Variants in DNM3 observed in about 807,000 individuals in gnomAD.
The protein encoded by DNM3 is dynamin 3.
Under a neutral mutation model 101.6 loss-of-function variants are expected in DNM3, and 47 were observed. The ratio of observed to expected loss-of-function variants is 0.46; its 90% CI spans 0.37 to 0.59. The LOEUF (loss-of-function observed/expected upper bound fraction) is 0.59, where lower values mean the gene tolerates loss of function less well. Ranked by LOEUF, DNM3 falls within the 20% of genes least tolerant of loss-of-function variation. The pLI is 0.00. For synonymous variants in DNM3, 385 were observed against 387.9 expected (o/e 0.99, Z 0.09); for missense variants, 849 against 1,085.7 (o/e 0.78, Z 3.06).
chr1:171,901,112 C>CAAAAAAA (rs1243053508), intron 1 of DNM3, among the ~76,000 whole-genome samples: 3,335 of 66,390 alleles, frequency 0.05, 475 homozygotes, highest in African/African-American at 0.088. Flanking sequence ...GACTCTGTCT[C>CAAAAAAA]AAAAAAAAAA....
At chr1:172,337,872 TTTTA>T (rs1558013777) in intron 17 of DNM3, among the ~76,000 whole-genome samples, 1,301 of 80,018 alleles carry the variant, frequency 0.016, 13 homozygotes, top group African/African-American at 0.13. Flanking sequence ...TTTATTTTTA[TTTTA>T]TTTTATTTTA....
intron 4 of DNM3, among the ~76,000 whole-genome samples, chr1:171,995,418 T>G (rs893581049): frequency 4.3e-5 from 6 of 138,678 alleles, no homozygotes; most frequent in African/African-American, 9.1e-5. Flanking sequence ...AATCCAGGTG[T>G]TTTTTTTTTT....
At chr1:172,151,743 G>A (rs1253739512) in intron 14 of DNM3, among the ~76,000 whole-genome samples, 3 of 152,150 alleles carry the variant, frequency 2.0e-5, no homozygotes, top group African/African-American at 7.2e-5. Flanking sequence ...TAGGGCAGGT[G>A]CTTGGAGTTC....
At chr1:171,952,084 T>C (rs1245753923) in intron 2 of DNM3, among the ~76,000 whole-genome samples, 1 of 152,126 alleles carries the variant, frequency 6.6e-6, no homozygotes, top group African/African-American at 2.4e-5. Flanking sequence ...TAAGGGAGGT[T>C]GTGGAGACCA....
intron 17 of DNM3, among the ~76,000 whole-genome samples, chr1:172,371,777 C>G (rs991790): frequency 0.47 from 71,491 of 151,674 alleles, 20,096 homozygotes; most frequent in East Asian, 0.87. Context: ...CCACATTTCC[C>G]TCAAACCAAA....
At chr1:172,125,449 G>C (rs1179805071) in intron 13 of DNM3, among the ~76,000 whole-genome samples, 1 of 152,090 alleles carries the variant, frequency 6.6e-6, no homozygotes, top group Non-Finnish European at 1.5e-5. Flanking sequence ...AGGTTTTGCT[G>C]ACCTTGACAA....
chr1:172,205,664 T>A (rs1400788917), intron 14 of DNM3, among the ~76,000 whole-genome samples: 1 of 152,160 alleles, frequency 6.6e-6, no homozygotes, highest in Non-Finnish European at 1.5e-5. Flanking sequence ...CAGATTCCCA[T>A]ATCTGCTTCT....
At chr1:171,945,686 C>A (rs1446985729) in intron 2 of DNM3, among the ~76,000 whole-genome samples, 1 of 151,936 alleles carries the variant, frequency 6.6e-6, no homozygotes, top group Admixed American at 6.6e-5. Context: ...AAAGTGTCTT[C>A]CTAAAATGAT....
At chr1:172,294,422 T>C (rs985834713) in intron 15 of DNM3, among the ~76,000 whole-genome samples, 2 of 152,184 alleles carry the variant, frequency 1.3e-5, no homozygotes, top group Non-Finnish European at 2.9e-5. Context: ...TTCTTATTCA[T>C]TCAACAAGTG....
intron 20 of DNM3, chr1:172,397,200 TA>T (rs1202280932): frequency 6.5e-6 from 1 of 152,672 alleles, no homozygotes; most frequent in Non-Finnish European, 1.5e-5. Flanking sequence ...TGCTTCTCAG[TA>T]GTGTTGGAAA....
At chr1:171,930,115 C>T (rs79252847) in intron 2 of DNM3, among the ~76,000 whole-genome samples, 11,426 of 151,932 alleles carry the variant, frequency 0.075, 632 homozygotes, top group Admixed American at 0.12. Context: ...AACCTGGCCA[C>T]GTTTTTGTAG....
intron 2 of DNM3, among the ~76,000 whole-genome samples, chr1:171,946,171 T>C (rs1233186076): frequency 6.6e-6 from 1 of 152,190 alleles, no homozygotes. Context: ...AGGAAGCATT[T>C]GTTGGGGAGG....
At chr1:172,342,878 T>C (rs969277976) in intron 17 of DNM3, among the ~76,000 whole-genome samples, 3 of 152,196 alleles carry the variant, frequency 2.0e-5, no homozygotes, top group Non-Finnish European at 4.4e-5. Context: ...ACATTTCCTC[T>C]TTTTTTCTTA....
At chr1:172,240,926 G>A (rs758324693) in intron 14 of DNM3, among the ~76,000 whole-genome samples, 6 of 152,074 alleles carry the variant, frequency 3.9e-5, no homozygotes, top group Non-Finnish European at 5.9e-5. Context: ...TGCTTGAAGC[G>A]TGTTTTGCCA....
At chr1:172,308,705 A>ATTT in intron 15 of DNM3, 23 bp from the exon 16 acceptor site, 5 of 1,212,868 alleles carry the variant, frequency 4.1e-6, no homozygotes, top group East Asian at 2.7e-5. Context: ...TAAAAGCATG[A>ATTT]TTTTTTTTTT....
chr1:171,996,124 T>G (rs1475194426), intron 4 of DNM3, among the ~76,000 whole-genome samples: 1 of 152,146 alleles, frequency 6.6e-6, no homozygotes, highest in Non-Finnish European at 1.5e-5. Context: ...ATGAAATTAT[T>G]CTTTCAGTAT....
rs2031191141 is a variant in DNM3 at position 171,841,590 on chromosome 1, G to T, written c.-67G>T. The stretch of plus-strand genomic sequence containing the variant: ...GCAGCAGCAGCAGCCAGGGCAGCGC[G>T]GCCCCTACTCCCTGTCAGGTCGTAG... On this transcript the variant is annotated 5_prime_UTR_variant, in exon 1 of 21. Coordinates refer to ENST00000627582, the MANE Select transcript of DNM3 (RefSeq NM_015569.5). 6.5e-7 allele frequency: 1 copy of T among 1,546,588 alleles called. No individual in the cohort carries two copies. Among genetic ancestry groups the T allele is most frequent in the Admixed American group, 2.0e-5 (1 of 50,462 alleles).
At chr1:172,379,467 G>A (rs1283177706) in intron 18 of DNM3, among the ~76,000 whole-genome samples, 1 of 151,970 alleles carries the variant, frequency 6.6e-6, no homozygotes, top group Non-Finnish European at 1.5e-5. Flanking sequence ...ATAATCCTGG[G>A]CATCATGTAA....
At chr1:171,980,832 A>G (rs184349210) in intron 2 of DNM3, among the ~76,000 whole-genome samples, 2 of 144,668 alleles carry the variant, frequency 1.4e-5, no homozygotes, top group African/African-American at 5.2e-5. Context: ...GTGCAGTGAC[A>G]TGATCTAGGC....
Sources: gnomAD v4.1 joint callset for allele counts (sites outside exome capture counted in the v4.1 genomes callset) on GRCh38, gnomAD v4.1.1 for gene constraint, MANE v1.5 for transcripts, NCBI Gene and HGNC (gene_info 2026-07-23, HGNC 2026-07-21) for gene names.